The following PLXNB2 variants were observed in gnomAD, a reference collection of about 807,000 sequenced individuals.
The protein encoded by PLXNB2 is plexin B2, also known as plexin-B2.
Under a neutral mutation model 202.6 loss-of-function variants are expected in PLXNB2, and 85 were observed. The ratio of observed to expected loss-of-function variants is 0.42; its 90% CI spans 0.35 to 0.50. The LOEUF is 0.50. Among genes scored for constraint, PLXNB2 ranks in the 20% least tolerant of loss-of-function variants. PLXNB2 has a pLI of 0.02. For synonymous variants in PLXNB2, 1,239 were observed against 1,137.6 expected (o/e 1.09, Z -1.79); for missense variants, 2,063 against 2,586.2 (o/e 0.80, Z 4.39).
At position 50,277,583 on chromosome 22, in the gene PLXNB2, C is replaced by T. The variant is rs1459417024; in HGVS notation, c.5196+8G>A. 9.0e-6 allele frequency: 14 copies of T among 1,558,064 alleles called. No homozygotes were observed. Among genetic ancestry groups the T allele is most frequent in the Non-Finnish European group, 1.2e-5 (14 of 1,148,130 alleles). On this transcript the variant is annotated splice_region_variant and intron_variant, in intron 33 of 36. Coordinates refer to ENST00000359337, the MANE Select transcript of PLXNB2 (RefSeq NM_012401.4). ...TCCCTGCCCCAGACCTGCCCCCACC[C>T]CACTCACGCGGCTCAGCTTATGCTC...
chr22:50,287,495 G>A (rs907156367), intron 7 of PLXNB2, among the ~76,000 whole-genome samples, 172 bp downstream of exon 7: 2 of 152,100 alleles, frequency 1.3e-5, no homozygotes, highest in African/African-American at 4.8e-5. Context: ...CAGGTCATAG[G>A]GGTCCAGGGG....
chr22:50,301,280 G>T, intron 1 of PLXNB2: 1 of 509,840 alleles, frequency 2.0e-6, no homozygotes, highest in Non-Finnish European at 2.5e-6. Flanking sequence ...CCTGGGCACA[G>T]CTGCAGCCCC....
rs368198701 is a variant in PLXNB2 at position 50,283,625 on chromosome 22, C to T, written c.2547G>A (p.Pro849=). The T allele has an allele frequency of 3.4e-4, 543 of 1,612,894 alleles. No homozygotes were observed. Among genetic ancestry groups the T allele is most frequent in the Non-Finnish European group, 3.5e-4 (418 of 1,179,924 alleles). Residue 849 remains proline (P), a synonymous_variant, in exon 15 of 37, where the codon CCG becomes CCA. Coordinates refer to ENST00000359337, the MANE Select transcript of PLXNB2 (RefSeq NM_012401.4). ...SVAGRNCSFQ[P]ERYSVSTRIV... is the part of the protein sequence containing the mutation. ...ACCGGGTGGACACGGAGTAACGTTC[C>T]GGCTGAAAGGAGCAGTTCCGGCCGG...
chr22:50,283,084 C>A lies in PLXNB2; in HGVS notation c.2782G>T (p.Val928Leu). 1 of 1,609,174 alleles carries A rather than the reference C, an allele frequency of 6.2e-7. No individual in the cohort carries two copies. The highest frequency in any genetic ancestry group is 1.1e-5 in the South Asian group (1 of 90,352). ...GGGACGCCGTTGAGGGTCACCCGCA[C>A]GTCCTCCTGGGAGCCCGTGTCCAGG... ...THLDTGSQED[V>L]RVTLNGVPCK... The change falls in exon 17 of 37, where the codon GTG becomes TTG. Residue 928 changes from valine (V) to leucine (L), a missense_variant. By Grantham distance (32) the Val-to-Leu change is conservative (BLOSUM62 1). Coordinates refer to ENST00000359337, the MANE Select transcript of PLXNB2 (RefSeq NM_012401.4).
rs375588549 is a variant in PLXNB2 at position 50,285,805 on chromosome 22, C to T, written c.2083G>A (p.Val695Met). 17 of 1,610,982 alleles carry T rather than the reference C, an allele frequency of 1.1e-5. No individual in the cohort carries two copies. The highest frequency in any genetic ancestry group is 2.2e-5 in the South Asian group (2 of 91,050). The change falls in exon 11 of 37, where the codon GTG (valine) becomes ATG (methionine). Residue 695 changes from valine to methionine, a missense_variant. Val to Met is a conservative substitution (Grantham distance 21). This residue lies in a region of PLXNB2 where 1,303 missense variants were observed against 1,476.8 expected (regional missense o/e 0.88). Transcript: ENST00000359337. ...CGGCACCCCTCCCTCCGCACCTTCA[C>T]GGTGTCCAGGTTCTTGCCCTGGAAG... The part of the protein sequence containing the change: ...VNFQGKNLDT[V>M]KGSSLHVGSD...
In PLXNB2 at chr22:50,297,800, C is replaced by T. The variant is rs1399705631; in HGVS notation, c.-73-3022G>A. On this transcript the variant is annotated intron_variant, in intron 1 of 36. Transcript: ENST00000359337. This position sits in a 1 kb window ranked among gnomAD's most constrained non-coding sequence, Gnocchi z 5.3. ...CTCATGTGGGCCATTCAGAAAGCTGCTCTGTGCCTCAGTTTCCCCATATGT... is the reference window on the plus strand; with the variant it reads ...CTCATGTGGGCCATTCAGAAAGCTGTTCTGTGCCTCAGTTTCCCCATATGT... 6.6e-6 allele frequency among the ~76,000 whole-genome samples: 1 copy of T among 152,196 alleles called. No homozygotes were observed. The highest frequency in any genetic ancestry group is 1.5e-5 in the Non-Finnish European group (1 of 68,040).
intron 8 of PLXNB2, among the ~76,000 whole-genome samples, chr22:50,286,529 C>T (rs1000411692): frequency 5.3e-5 from 8 of 152,176 alleles, no homozygotes; most frequent in Non-Finnish European, 8.8e-5. Context: ...GATCTTGGTT[C>T]GGGTGTCGGG....
intron 8 of PLXNB2, among the ~76,000 whole-genome samples, chr22:50,286,813 C>T (rs973666099): frequency 9.2e-5 from 14 of 152,294 alleles, no homozygotes; most frequent in African/African-American, 2.4e-4. Flanking sequence ...GCCGAGACGA[C>T]GGGGCCTGGC....
Position 50,289,088 on chromosome 22 carries a change from T to G in PLXNB2, c.1123A>C (p.Ser375Arg). Residue 375 changes from serine (S) to arginine (R), a missense_variant, in exon 4 of 37, where the codon AGC becomes CGC. Ser to Arg is a moderately radical substitution (Grantham distance 110). Coordinates refer to ENST00000359337, the MANE Select transcript of PLXNB2 (RefSeq NM_012401.4). This position sits in a 1 kb window ranked among gnomAD's most constrained non-coding sequence, Gnocchi z 8.0. The stretch of plus-strand genomic sequence containing the variant: ...GCTGTGCCTCTGAGCCCGTCGCGGC[T>G]GCCCAGCGGGTAGGGCAGGTGCTCC... ...GSEHLPYPLGSRDGLRGTAVL... is the reference protein window; with the variant it reads ...GSEHLPYPLGRRDGLRGTAVL... The G allele has an allele frequency of 6.3e-7, 1 of 1,597,772 alleles. No individual in the cohort carries two copies. The highest frequency in any genetic ancestry group is 8.5e-7 in the Non-Finnish European group (1 of 1,172,502).
intron 7 of PLXNB2, 81 bp from the exon 8 acceptor site, chr22:50,287,345 G>A: frequency 7.1e-7 from 1 of 1,405,544 alleles, no homozygotes; most frequent in Non-Finnish European, 9.5e-7. Flanking sequence ...CTCCCTGCGT[G>A]TGTGGGCGCA....
intron 2 of PLXNB2, among the ~76,000 whole-genome samples, chr22:50,294,197 A>G (rs1313370694): frequency 6.6e-6 from 1 of 152,212 alleles, no homozygotes; most frequent in East Asian, 1.9e-4. Flanking sequence ...TGGGACCCCC[A>G]CTTACGGGGC....
intron 1 of PLXNB2, chr22:50,301,531 T>G: frequency 3.9e-5 from 15 of 382,910 alleles, no homozygotes; most frequent in South Asian, 2.1e-4. Context: ...TTGGAGTCTC[T>G]CCTGAAAGGA....
chr22:50,295,637 T>TTA (rs2067208085), intron 1 of PLXNB2, among the ~76,000 whole-genome samples: 1 of 152,158 alleles, frequency 6.6e-6, no homozygotes. Context: ...TCCGCATGGT[T>TTA]GGCTTTAGTG....
chr22:50,295,485 G>T (rs1384766118), intron 1 of PLXNB2, among the ~76,000 whole-genome samples: 1 of 152,098 alleles, frequency 6.6e-6, no homozygotes, highest in Non-Finnish European at 1.5e-5. Flanking sequence ...AGGACTAAAT[G>T]AATTCATTCA....
rs564738902 is a variant in PLXNB2 at position 50,278,988 on chromosome 22, G to A, written c.4413C>T (p.Asp1471=). The part of the protein sequence containing the change: ...APLTVSVIVQ[D]EGVDAIPVKV... ...TCACCGGGATGGCGTCCACTCCCTCGTCCTGCACGATCACGCTCACCGTCT... is the reference window on the plus strand; with the variant it reads ...TCACCGGGATGGCGTCCACTCCCTCATCCTGCACGATCACGCTCACCGTCT... Residue 1471 remains aspartate, a synonymous_variant, in exon 28 of 37, where the codon GAC becomes GAT. Transcript: ENST00000359337. The A allele has an allele frequency of 3.0e-5, 49 of 1,612,082 alleles. No individual in the cohort carries two copies. The highest frequency in any genetic ancestry group is 2.7e-4 in the African/African-American group (20 of 75,010).
In PLXNB2 at chr22:50,275,291, G is replaced by A. The variant is rs1206402222; in HGVS notation, c.*413C>T. The A allele has an allele frequency of 2.3e-6, 1 of 426,840 alleles. No homozygotes were observed. Among genetic ancestry groups the A allele is most frequent in the East Asian group, 7.2e-5 (1 of 13,976 alleles). 26.4% of individuals were successfully genotyped at this position (426,840 alleles called of 1,614,324 possible). A position where few individuals can be genotyped will look rare whatever the true frequency, so the allele number is the denominator to read the frequency against. Reference sequence around the variant, plus strand: ...ATCTCGTGGTGGACAGACAGACATAGGATCTGGGAACTTGCCCTGGGGGCC... The same window carrying A: ...ATCTCGTGGTGGACAGACAGACATAAGATCTGGGAACTTGCCCTGGGGGCC... On this transcript the variant is annotated 3_prime_UTR_variant, in exon 37 of 37. Coordinates refer to ENST00000359337, the MANE Select transcript of PLXNB2 (RefSeq NM_012401.4).
intron 1 of PLXNB2, among the ~76,000 whole-genome samples, chr22:50,300,633 C>A (rs879491765): frequency 7.2e-5 from 11 of 152,238 alleles, no homozygotes; most frequent in Non-Finnish European, 1.5e-4. Context: ...CCCCGCTGGA[C>A]TCTCGGCTGA....
In PLXNB2 at chr22:50,284,595, G is replaced by A; in HGVS notation, c.2159C>T (p.Thr720Ile). 4 of 1,612,346 alleles carry A rather than the reference G, an allele frequency of 2.5e-6. No individual in the cohort carries two copies. The South Asian group carries it at 3.3e-5, about 13-fold the overall frequency. ...MEPVTMQESGTFAFRTPKLSH... is the reference protein window; with the variant it reads ...MEPVTMQESGIFAFRTPKLSH... Reference sequence around the variant, plus strand: ...TACCTTTGGGGTCCGAAAGGCGAAGGTCCCAGATTCCTGCATGGTCACCGG... The same window carrying A: ...TACCTTTGGGGTCCGAAAGGCGAAGATCCCAGATTCCTGCATGGTCACCGG... Residue 720 changes from threonine (T) to isoleucine (I), a missense_variant, in exon 12 of 37, where the codon ACC becomes ATC. This residue lies in a region of PLXNB2 where 1,303 missense variants were observed against 1,476.8 expected (regional missense o/e 0.88). Coordinates refer to ENST00000359337, the MANE Select transcript of PLXNB2 (RefSeq NM_012401.4). This position sits in a 1 kb window ranked among gnomAD's most constrained non-coding sequence, Gnocchi z 8.0.
chr22:50,298,845 C>T (rs1195716812), intron 1 of PLXNB2, among the ~76,000 whole-genome samples: 1 of 152,226 alleles, frequency 6.6e-6, no homozygotes. Flanking sequence ...GGGGCTTCAC[C>T]GTGTTGCCCA....
Sources: allele counts gnomAD v4.1 joint callset (sites outside exome capture counted in the v4.1 genomes callset), GRCh38; gene constraint gnomAD v4.1.1; regional missense constraint gnomAD v4.1.1; non-coding constraint Gnocchi (gnomAD v3.1); transcripts MANE v1.5; gene names NCBI Gene and HGNC (gene_info 2026-07-23, HGNC 2026-07-21).